GPBP1L1: variants seen among roughly 807,000 people sequenced by gnomAD.
GPBP1L1 encodes GC-rich promoter binding protein 1 like 1.
GPBP1L1 carries 23 observed loss-of-function variants against 52.5 expected under a neutral mutation model. That is an observed-to-expected ratio of 0.44 (90% CI 0.32 to 0.62). GPBP1L1 has a LOEUF of 0.62. Ranked by LOEUF, GPBP1L1 falls within the 20% of genes least tolerant of loss-of-function variation. GPBP1L1 has a pLI of 0.06. For missense variants in GPBP1L1, 596 were observed against 579.3 expected, an observed-to-expected ratio of 1.03 and a Z score of -0.30; for synonymous variants, 243 against 203.1, an observed-to-expected ratio of 1.20 and a Z score of -1.67.
intron 7 of GPBP1L1, among the ~76,000 whole-genome samples, chr1:45,641,453 T>TACACATAAACACACACAC (rs1219220540): frequency 6.1e-5 from 9 of 148,724 alleles, no homozygotes; most frequent in African/African-American, 2.3e-4. Flanking sequence ...TACACACACA[T>TACACATAAACACACACAC]ACACATAAAC....
intron 2 of GPBP1L1, among the ~76,000 whole-genome samples, chr1:45,679,828 G>A (rs950217482): frequency 6.7e-6 from 1 of 150,016 alleles, no homozygotes; most frequent in East Asian, 1.9e-4. Flanking sequence ...AAAGATGGGA[G>A]GAATTGCTTG....
intron 12 of GPBP1L1, among the ~76,000 whole-genome samples, 183 bp from the exon 13 acceptor site, chr1:45,628,591 T>C (rs1644488235): frequency 6.6e-6 from 1 of 152,212 alleles, no homozygotes; most frequent in Non-Finnish European, 1.5e-5. Flanking sequence ...TTACGAGTCA[T>C]CTACGCATCT....
At chr1:45,645,736 A>G (rs1644735170) in intron 6 of GPBP1L1, 1 of 342,268 alleles carries the variant, frequency 2.9e-6, no homozygotes, top group African/African-American at 2.2e-5. Flanking sequence ...GTTCTCAGGA[A>G]AAGTCTTGGG....
At chr1:45,646,059 A>G (rs1035903004) in intron 6 of GPBP1L1, 6 of 488,558 alleles carry the variant, frequency 1.2e-5, no homozygotes, top group African/African-American at 4.0e-5. Flanking sequence ...AAATTTGCCA[A>G]TGTAACGATG....
chr1:45,664,099 G>A (rs6429573), intron 2 of GPBP1L1, among the ~76,000 whole-genome samples: 27,891 of 152,018 alleles, frequency 0.18, 2,957 homozygotes, highest in Non-Finnish European at 0.24. Flanking sequence ...TTGGGAGGCC[G>A]AGGTGGGCGG....
upstream of GPBP1L1, chr1:45,687,876 C>T (rs11211163): frequency 0.29 from 43,571 of 152,034 alleles, 6,385 homozygotes; most frequent in East Asian, 0.37. Context: ...AAACATAAGT[C>T]CCACAGATGG....
chr1:45,630,380 C>T (rs1644514507), intron 11 of GPBP1L1, 102 bp downstream of exon 11: 4 of 1,364,842 alleles, frequency 2.9e-6, no homozygotes, highest in East Asian at 2.3e-5. Context: ...TGGGCCACTT[C>T]TCTCTGCATG....
At chr1:45,648,927 G>A (rs1644786807) in intron 6 of GPBP1L1, among the ~76,000 whole-genome samples, 2 of 152,288 alleles carry the variant, frequency 1.3e-5, no homozygotes, top group South Asian at 2.1e-4. Flanking sequence ...CTACTTGGGA[G>A]GCTGAGGCAG....
intron 8 of GPBP1L1, among the ~76,000 whole-genome samples, chr1:45,636,557 T>C (rs1208382134): frequency 6.6e-6 from 1 of 152,178 alleles, no homozygotes; most frequent in Non-Finnish European, 1.5e-5. Flanking sequence ...AAACATACCA[T>C]ATTCTGCATC....
In GPBP1L1 at chr1:45,634,083, C is replaced by T. The variant is rs2148424068; in HGVS notation, c.885+13G>A. 3 of 1,597,098 alleles carry T rather than the reference C, an allele frequency of 1.9e-6. No individual in the cohort carries two copies. The East Asian group carries it at 6.7e-5, about 36-fold the overall frequency. ...AATTTCAGAAAAGACTGTCCTGCTT[C>T]ATCCTCACTCACCTCTTTGGGAGAA... On this transcript the variant is annotated intron_variant, in intron 9 of 12. Transcript: ENST00000355105.
At chr1:45,640,183 G>A in intron 8 of GPBP1L1, 27 bp downstream of exon 8, 1 of 1,560,724 alleles carries the variant, frequency 6.4e-7, no homozygotes. Flanking sequence ...TCTTGTATAA[G>A]GTTCTTGCCC....
chr1:45,654,157 T>A (rs1385053473), intron 6 of GPBP1L1: 1 of 164,112 alleles, frequency 6.1e-6, no homozygotes, highest in African/African-American at 2.4e-5. Context: ...CCCAATTACA[T>A]GTTCATGTCA....
intron 10 of GPBP1L1, among the ~76,000 whole-genome samples, chr1:45,631,423 C>T (rs1383128666): frequency 1.3e-5 from 2 of 152,040 alleles, no homozygotes; most frequent in Non-Finnish European, 2.9e-5. Context: ...CTACCATGCC[C>T]GGCTAATTTT....
chr1:45,660,668 T>C lies in GPBP1L1; in HGVS notation c.-540A>G, dbSNP rs2148483109. 1.9e-6 allele frequency: 1 copy of C among 520,234 alleles called. No homozygotes were observed. The highest frequency in any genetic ancestry group is 2.1e-5 in the African/African-American group (1 of 48,322). The allele number at this position is 520,234 out of a possible 1,614,324, so 32.2% of individuals were successfully genotyped here. ...ATAGATCAAAAATATTAAAGCCCTA[T>C]AAAAGATCTGAGCAGTCAACTCCAA... On this transcript the variant is annotated 5_prime_UTR_variant, in exon 3 of 13. Transcript: ENST00000355105.
intron 2 of GPBP1L1, among the ~76,000 whole-genome samples, chr1:45,680,225 T>C (rs1181678930): frequency 1.3e-5 from 2 of 151,068 alleles, no homozygotes; most frequent in African/African-American, 2.4e-5. Flanking sequence ...GACTAACAGA[T>C]TGAGACACGC....
Position 45,655,832 on chromosome 1 carries a change from C to A in GPBP1L1, c.61-513G>T, listed in dbSNP as rs1300974312. ...TCGCCCAGGCTGGAGTGCAGTGGCA[C>A]AATCAAAGCTCACTACAGCTGCTTA... On this transcript the variant is annotated intron_variant, in intron 4 of 12. Coordinates refer to ENST00000355105, the MANE Select transcript of GPBP1L1 (RefSeq NM_021639.5). The A allele has an allele frequency of 4.5e-5, 7 of 153,996 alleles. No individual in the cohort carries two copies. In the Admixed American group the frequency reaches 4.6e-4, roughly 10 times the overall value. 9.5% of individuals were successfully genotyped at this position (153,996 alleles called of 1,614,324 possible). A position where few individuals can be genotyped will look rare whatever the true frequency, so the allele number is the denominator to read the frequency against.
intron 3 of GPBP1L1, among the ~76,000 whole-genome samples, chr1:45,659,979 T>C (rs1395494168): frequency 6.6e-6 from 1 of 152,194 alleles, no homozygotes; most frequent in Middle Eastern, 3.2e-3. Context: ...AGAAGGACGA[T>C]ACAACCTCTC....
chr1:45,637,766 G>C (rs1318897341), intron 8 of GPBP1L1, among the ~76,000 whole-genome samples: 1 of 152,118 alleles, frequency 6.6e-6, no homozygotes, highest in Non-Finnish European at 1.5e-5. Flanking sequence ...AAACTCTCAA[G>C]AAATGGGACA....
intron 2 of GPBP1L1, among the ~76,000 whole-genome samples, chr1:45,670,625 T>G (rs1306382929): frequency 6.6e-6 from 1 of 152,100 alleles, no homozygotes; most frequent in Non-Finnish European, 1.5e-5. Context: ...AGGTCCAATT[T>G]CATTCTTTTC....
Sources: gnomAD v4.1 joint callset for allele counts (sites outside exome capture counted in the v4.1 genomes callset) on GRCh38, gnomAD v4.1.1 for gene constraint, MANE v1.5 for transcripts, NCBI Gene and HGNC (gene_info 2026-07-23, HGNC 2026-07-21) for gene names.